The following MAML3 variants were observed in gnomAD, a reference collection of about 807,000 sequenced individuals.
MAML3 encodes mastermind like transcriptional coactivator 3.
MAML3 carries 27 observed loss-of-function variants against 101.9 expected under a neutral mutation model. That is an observed-to-expected ratio of 0.27 (90% confidence interval 0.20 to 0.37). The LOEUF is 0.37. Among genes scored for constraint, MAML3 ranks in the 10% least tolerant of loss-of-function variants. MAML3 has a pLI of 1.00. For synonymous variants in MAML3, 501 were observed against 555.9 expected (o/e 0.90, Z 1.39); for missense variants, 1,316 against 1,444.9 (o/e 0.91, Z 1.45).
rs1424655217 is a variant in MAML3, at chr4:139,875,611, G to T, written c.2079+13746C>A. ...GGGGTCAGGTGCTCCTGACCTCACA[G>T]CAGGATGTTTATATGGCCCCAGGGC... is the stretch of plus-strand genomic sequence containing the variant. On this transcript the variant is annotated intron_variant, in intron 2 of 4. Coordinates refer to ENST00000509479, the MANE Select transcript of MAML3 (RefSeq NM_018717.5). Among the ~76,000 whole-genome samples the T allele has an allele frequency of 2.0e-5, 3 of 152,220 alleles. No individual in the cohort carries two copies. In the East Asian group the frequency reaches 5.8e-4, roughly 29 times the overall value.
chr4:139,774,025 G>A (rs150691015), intron 2 of MAML3, among the ~76,000 whole-genome samples: 2 of 152,290 alleles, frequency 1.3e-5, no homozygotes, highest in African/African-American at 2.4e-5. Flanking sequence ...AGCCATAGCA[G>A]GCCATCCTTT....
chr4:139,946,092 C>T lies in MAML3; in HGVS notation c.469-55125G>A, dbSNP rs184062245. Among the ~76,000 whole-genome samples, 251 of 152,310 alleles carry T rather than the reference C, an allele frequency of 1.6e-3. 1 individual carries two copies. The highest frequency in any genetic ancestry group is 3.2e-3 in the Admixed American group (49 of 15,304). Reference sequence around the variant, plus strand: ...TACCAACAAACCTTGTGAACGCTATCGCCCCAAAATGTGAGCTTGTAAAAG... The same window carrying T: ...TACCAACAAACCTTGTGAACGCTATTGCCCCAAAATGTGAGCTTGTAAAAG... On this transcript the variant is annotated intron_variant, in intron 1 of 4. Transcript: ENST00000509479.
At chr4:140,138,437 A>G (rs1048222970) in intron 1 of MAML3, among the ~76,000 whole-genome samples, 6 of 152,244 alleles carry the variant, frequency 3.9e-5, no homozygotes, top group Non-Finnish European at 7.3e-5. Context: ...AGCCATAACA[A>G]CTTCTAAACG....
intron 2 of MAML3, among the ~76,000 whole-genome samples, chr4:139,862,429 T>A (rs1353996258): frequency 3.3e-5 from 5 of 152,216 alleles, no homozygotes; most frequent in Non-Finnish European, 7.3e-5. Flanking sequence ...AACTCCAAAC[T>A]GCGTTTGACC....
intron 1 of MAML3, among the ~76,000 whole-genome samples, chr4:140,131,776 G>A (rs368351787): frequency 3.9e-5 from 6 of 152,308 alleles, no homozygotes; most frequent in African/African-American, 1.4e-4. Flanking sequence ...CCAAACATCA[G>A]CAATCAGTCT....
At chr4:139,744,413 C>T (rs955827626) in intron 2 of MAML3, among the ~76,000 whole-genome samples, 1 of 152,104 alleles carries the variant, frequency 6.6e-6, no homozygotes, top group African/African-American at 2.4e-5. Context: ...TATACCACCC[C>T]CCAGGAGCAT....
intron 1 of MAML3, among the ~76,000 whole-genome samples, chr4:140,045,238 T>C (rs2110914208): frequency 6.6e-6 from 1 of 152,080 alleles, no homozygotes; most frequent in African/African-American, 2.4e-5. Context: ...CTACTAAGAA[T>C]ACAAAAATTA....
At chr4:139,734,439 A>G (rs1039053980) in intron 2 of MAML3, among the ~76,000 whole-genome samples, 3 of 152,244 alleles carry the variant, frequency 2.0e-5, no homozygotes, top group African/African-American at 7.2e-5. Flanking sequence ...GAATCTTAAT[A>G]CAGTTTCTTC....
chr4:139,809,971 A>G lies in MAML3; in HGVS notation c.2080-79304T>C, dbSNP rs151103670. Among the ~76,000 whole-genome samples, 623 of 152,218 alleles carry G rather than the reference A, an allele frequency of 4.1e-3. 7 individuals carry two copies. The highest frequency in any genetic ancestry group is 0.014 in the African/African-American group (574 of 41,534). On this transcript the variant is annotated intron_variant, in intron 2 of 4. Coordinates refer to ENST00000509479, the MANE Select transcript of MAML3 (RefSeq NM_018717.5). Reference sequence around the variant, plus strand: ...TAAATACAAATTGAGGAACCTCTCAAGGGATCAAGAGAAGAGTTTAGTAAA... The same window carrying G: ...TAAATACAAATTGAGGAACCTCTCAGGGGATCAAGAGAAGAGTTTAGTAAA...
chr4:139,774,125 C>T (rs1464078603), intron 2 of MAML3, among the ~76,000 whole-genome samples: 1 of 152,176 alleles, frequency 6.6e-6, no homozygotes, highest in Non-Finnish European at 1.5e-5. Flanking sequence ...CAGGACTTGG[C>T]TCAGCTCCAA....
intron 1 of MAML3, among the ~76,000 whole-genome samples, chr4:140,103,173 ATTTAAT>A (rs1457459513): frequency 6.6e-6 from 1 of 152,194 alleles, no homozygotes; most frequent in Non-Finnish European, 1.5e-5. Context: ...ATAATATACA[ATTTAAT>A]TTTTTCATCA....
At chr4:139,818,038 T>C (rs955252161) in intron 2 of MAML3, among the ~76,000 whole-genome samples, 1 of 152,246 alleles carries the variant, frequency 6.6e-6, no homozygotes, top group Non-Finnish European at 1.5e-5. Context: ...AATGCCACAA[T>C]ACTGGGCACC....
chr4:139,850,540 CT>C (rs144011476), intron 2 of MAML3, among the ~76,000 whole-genome samples: 50 of 147,638 alleles, frequency 3.4e-4, no homozygotes, highest in Admixed American at 8.1e-4. Context: ...ATATATTCTT[CT>C]TTTTTTTTTT....
At chr4:140,021,771 C>T (rs1726737616) in intron 1 of MAML3, among the ~76,000 whole-genome samples, 1 of 152,166 alleles carries the variant, frequency 6.6e-6, no homozygotes, top group South Asian at 2.1e-4. Context: ...CTTCCTGGTG[C>T]CACTGATCCC....
rs549949229 is a variant in MAML3, at chr4:139,770,438, T to C, written c.2080-39771A>G. Among the ~76,000 whole-genome samples, 109 of 152,324 alleles carry C rather than the reference T, an allele frequency of 7.2e-4. 1 individual carries two copies. The highest frequency in any genetic ancestry group is 2.3e-3 in the Admixed American group (35 of 15,300). ...GAAGTCTCTACTTTAGTTCTTCACT[T>C]ATACTTTTTCTTTTAAAAAGACTAT... On this transcript the variant is annotated intron_variant, in intron 2 of 4. Transcript: ENST00000509479.
At chr4:139,997,374 A>T (rs1734839159) in intron 1 of MAML3, among the ~76,000 whole-genome samples, 1 of 151,974 alleles carries the variant, frequency 6.6e-6, no homozygotes, top group Admixed American at 6.6e-5. Context: ...ACCTTAACTT[A>T]TCACAATCTA....
At chr4:139,733,121 G>C (rs746960811) in intron 2 of MAML3, among the ~76,000 whole-genome samples, 1 of 152,172 alleles carries the variant, frequency 6.6e-6, no homozygotes, top group Non-Finnish European at 1.5e-5. Flanking sequence ...GGCACCTTTA[G>C]GGACAAATGG....
At chr4:139,895,380 T>C (rs2111205391) in intron 1 of MAML3, among the ~76,000 whole-genome samples, 1 of 152,310 alleles carries the variant, frequency 6.6e-6, no homozygotes, top group East Asian at 1.9e-4. Context: ...AGACAATAAA[T>C]ACATGTTGAA....
chr4:139,925,214 C>G (rs1198188800), intron 1 of MAML3, among the ~76,000 whole-genome samples: 1 of 151,832 alleles, frequency 6.6e-6, no homozygotes, highest in Non-Finnish European at 1.5e-5. Context: ...TAGTGAGTCC[C>G]TGTACTCTTT....
Sources: gnomAD v4.1 joint callset for allele counts (sites outside exome capture counted in the v4.1 genomes callset) on GRCh38, gnomAD v4.1.1 for gene constraint, MANE v1.5 for transcripts, NCBI Gene and HGNC (gene_info 2026-07-23, HGNC 2026-07-21) for gene names.